PSTPIP2: variants seen among roughly 807,000 people sequenced by gnomAD.
PSTPIP2 encodes the protein proline-serine-threonine phosphatase-interacting protein 2.
Under a neutral mutation model 63.3 loss-of-function variants are expected in PSTPIP2, and 33 were observed. The ratio of observed to expected loss-of-function variants is 0.52; its 90% confidence interval spans 0.40 to 0.70. PSTPIP2 has a LOEUF of 0.70. Ranked by LOEUF, PSTPIP2 falls within the 30% of genes least tolerant of loss-of-function variation. The pLI is 0.00. For missense variants in PSTPIP2, 312 were observed against 400.7 expected (o/e 0.78, Z 1.89); for synonymous variants, 125 against 132.7 (o/e 0.94, Z 0.40).
intron 2 of PSTPIP2, among the ~76,000 whole-genome samples, chr18:46,037,006 T>TCAAA (rs1324102973): frequency 3.9e-5 from 6 of 152,142 alleles, no homozygotes; most frequent in African/African-American, 1.4e-4. Context: ...ATAAATAAGG[T>TCAAA]ATAACATTGG....
At chr18:46,021,848 C>CAAAAAAAAAAAA (rs59094808) in intron 3 of PSTPIP2, among the ~76,000 whole-genome samples, 1 of 33,284 alleles carries the variant, frequency 3.0e-5, no homozygotes, top group African/African-American at 8.9e-5. Context: ...GACTCTGTCT[C>CAAAAAAAAAAAA]AAAAAAAAAA....
chr18:46,024,791 A>C, intron 2 of PSTPIP2, 105 bp from the exon 3 acceptor site: 1 of 822,788 alleles, frequency 1.2e-6, no homozygotes, highest in Non-Finnish European at 2.1e-6. Context: ...TGACCATAGA[A>C]GCTCAGATAC....
In PSTPIP2 at chr18:46,012,194, C is replaced by A. The variant is rs148488306; in HGVS notation, c.248-907G>T. 3.3e-5 allele frequency among the ~76,000 whole-genome samples: 5 copies of A among 152,000 alleles called. No homozygotes were observed. The East Asian group carries it at 9.6e-4, about 29-fold the overall frequency. The stretch of plus-strand genomic sequence containing the variant: ...AAATGCAAAACTTTAAAATGTAAAC[C>A]TTTCAGTTGGGCAAAATTTTTAAAG... On this transcript the variant is annotated intron_variant, in intron 4 of 14. Coordinates refer to ENST00000409746, the MANE Select transcript of PSTPIP2 (RefSeq NM_024430.4).
intron 2 of PSTPIP2, among the ~76,000 whole-genome samples, chr18:46,033,154 GC>G (rs1907842071): frequency 6.6e-6 from 1 of 152,218 alleles, no homozygotes; most frequent in African/African-American, 2.4e-5. Context: ...CAGTGAGGAA[GC>G]CAGGATTAGA....
intron 3 of PSTPIP2, among the ~76,000 whole-genome samples, chr18:46,016,521 G>A (rs2051853762): frequency 6.6e-6 from 1 of 152,188 alleles, no homozygotes; most frequent in Non-Finnish European, 1.5e-5. Flanking sequence ...CAGGCATTGT[G>A]TCAGATGTTG....
chr18:45,986,271 C>T (rs1409776825), intron 14 of PSTPIP2, among the ~76,000 whole-genome samples: 1 of 151,892 alleles, frequency 6.6e-6, no homozygotes, highest in Non-Finnish European at 1.5e-5. Flanking sequence ...TATGTTGAAC[C>T]CCAACTCATT....
At chr18:46,028,390 C>A in intron 2 of PSTPIP2, 1 of 511,502 alleles carries the variant, frequency 2.0e-6, no homozygotes, top group East Asian at 5.3e-5. Context: ...GCCGGCCAGG[C>A]CAAGCGCGGC....
At position 45,997,807 on chromosome 18, in the gene PSTPIP2, A is replaced by ATGTGCAGCATGTATGCTTTG; in HGVS notation, c.564_583dup (p.Ile195ThrfsTer37). 6.5e-7 allele frequency: 1 copy of ATGTGCAGCATGTATGCTTTG among 1,548,566 alleles called. No individual in the cohort carries two copies. Among genetic ancestry groups the ATGTGCAGCATGTATGCTTTG allele is most frequent in the African/African-American group, 1.4e-5 (1 of 70,466 alleles). ...TTCTCGGACCTTATCCAGGGTGCCG[A>ATGTGCAGCATGTATGCTTTG]TGTGCAGCATGTATGCTTTGTCTGC... On this transcript the variant is annotated frameshift_variant, in exon 9 of 15. Transcript: ENST00000409746. LOFTEE classifies it high-confidence loss of function.
At position 46,009,027 on chromosome 18, in the gene PSTPIP2, C is replaced by G. The variant is rs657920; in HGVS notation, c.354+2154G>C. Among the ~76,000 whole-genome samples, 859 of 152,202 alleles carry G rather than the reference C, an allele frequency of 5.6e-3. 7 individuals are homozygous for G. Among genetic ancestry groups the G allele is most frequent in the Middle Eastern group, 0.02 (6 of 294 alleles). ...GTGTTCAGATAGCGTCTTCCTCCCC[C>G]CCATCATGTAAGGCACATCACGCTT... On this transcript the variant is annotated intron_variant, in intron 5 of 14. Coordinates refer to ENST00000409746, the MANE Select transcript of PSTPIP2 (RefSeq NM_024430.4).
At chr18:45,991,198 A>G (rs1271784624) in intron 12 of PSTPIP2, among the ~76,000 whole-genome samples, 1 of 152,216 alleles carries the variant, frequency 6.6e-6, no homozygotes, top group Non-Finnish European at 1.5e-5. Context: ...AATCCTTCCC[A>G]GGCACTCCCC....
Position 46,009,382 on chromosome 18 carries a change from AAAAAAAAAAC to A in PSTPIP2, c.354+1789_354+1798del, listed in dbSNP as rs1480694077. On this transcript the variant is annotated intron_variant, in intron 5 of 14. Transcript: ENST00000409746. ...TGGTGTAAAAAAAAAAAAAAAAAAA[AAAAAAAAAAC>A]CTAGCTAAATACGGAAGTGGTAAAA... Among the ~76,000 whole-genome samples the A allele has an allele frequency of 3.7e-5, 5 of 135,176 alleles. 1 individual carries two copies. The highest frequency in any genetic ancestry group is 4.4e-4 in the East Asian group (2 of 4,564). The allele number at this position is 135,176 out of a possible 152,430, so 88.7% of individuals were successfully genotyped here. A position where few individuals can be genotyped will look rare whatever the true frequency, so the allele number is the denominator to read the frequency against.
chr18:46,064,547 G>A (rs61292139), intron 1 of PSTPIP2, among the ~76,000 whole-genome samples: 1,947 of 144,310 alleles, frequency 0.013, 44 homozygotes, highest in African/African-American at 0.046. Flanking sequence ...TGATTCACCC[G>A]CCTGGGCCTC....
intron 3 of PSTPIP2, among the ~76,000 whole-genome samples, chr18:46,020,957 CA>C (rs1432580847): frequency 6.6e-6 from 1 of 152,170 alleles, no homozygotes; most frequent in African/African-American, 2.4e-5. Flanking sequence ...ATATCTTTTG[CA>C]GGAAGTAGTA....
Position 46,002,696 on chromosome 18 carries a change from C to T in PSTPIP2, c.417+2773G>A, listed in dbSNP as rs1046202257. 2.6e-5 allele frequency among the ~76,000 whole-genome samples: 4 copies of T among 152,160 alleles called. No homozygotes were observed. The East Asian group carries it at 7.7e-4, about 29-fold the overall frequency. On this transcript the variant is annotated intron_variant, in intron 6 of 14. Transcript: ENST00000409746. Reference sequence around the variant, plus strand: ...GTGAATCAGGTGTAGTGGCACATGCCTGTAATTCCAGCTACTCAGGAGGCT... The same window carrying T: ...GTGAATCAGGTGTAGTGGCACATGCTTGTAATTCCAGCTACTCAGGAGGCT...
chr18:46,024,489 CA>C (rs1485870521), intron 3 of PSTPIP2, 119 bp downstream of exon 3: 10 of 833,500 alleles, frequency 1.2e-5, no homozygotes, highest in Non-Finnish European at 1.8e-5. Flanking sequence ...ATCCCATCTC[CA>C]AAAAAATTTT....
intron 1 of PSTPIP2, among the ~76,000 whole-genome samples, chr18:46,063,468 T>A (rs181132768): frequency 6.6e-6 from 1 of 152,300 alleles, no homozygotes; most frequent in Admixed American, 6.5e-5. Context: ...GAAAGCTGAA[T>A]AATTTGAACA....
chr18:45,993,559 T>C, intron 10 of PSTPIP2, 46 bp downstream of exon 10: 1 of 1,537,058 alleles, frequency 6.5e-7, no homozygotes, highest in Non-Finnish European at 9.0e-7. Flanking sequence ...TACTCTAATG[T>C]ATCCAACATG....
chr18:46,032,784 AAAAAG>A (rs1907831171), intron 2 of PSTPIP2, among the ~76,000 whole-genome samples: 1 of 151,590 alleles, frequency 6.6e-6, no homozygotes, highest in African/African-American at 2.4e-5. Context: ...AAGGAAAAGA[AAAAAG>A]AAAAGGAAAG....
At chr18:46,049,904 A>G (rs1179737435) in intron 1 of PSTPIP2, among the ~76,000 whole-genome samples, 1 of 152,126 alleles carries the variant, frequency 6.6e-6, no homozygotes, top group Non-Finnish European at 1.5e-5. Flanking sequence ...AAAAAAGAAC[A>G]ACCAATTTTC....
Sources: gnomAD v4.1 joint callset for allele counts (sites outside exome capture counted in the v4.1 genomes callset) on GRCh38, gnomAD v4.1.1 for gene constraint, MANE v1.5 for transcripts, NCBI Gene and HGNC (gene_info 2026-07-23, HGNC 2026-07-21) for gene names.